The following GRIA4 variants were observed in gnomAD, a reference collection of about 807,000 sequenced individuals.
GRIA4 encodes glutamate receptor 4.
A neutral mutation model predicts 104.0 loss-of-function variants in GRIA4; 34 were observed. The observed-to-expected ratio is 0.33, with a 90% CI of 0.25 to 0.44. The LOEUF is 0.44. Among genes scored for constraint, GRIA4 ranks in the 20% least tolerant of loss-of-function variants. GRIA4 has a pLI of 1.00. For missense variants in GRIA4, 750 were observed against 1,096.5 expected, an observed-to-expected ratio of 0.68 and a Z score of 4.46; for synonymous variants, 386 against 381.9, an observed-to-expected ratio of 1.01 and a Z score of -0.13.
At chr11:105,965,088 T>G (rs603612) in intron 14 of GRIA4, among the ~76,000 whole-genome samples, 2 of 152,166 alleles carry the variant, frequency 1.3e-5, no homozygotes, top group South Asian at 4.1e-4. Context: ...ATTACAGGCG[T>G]GAGCCACCGC....
In GRIA4 at chr11:105,902,102, T is replaced by TA. The variant is rs552643619; in HGVS notation, c.886-1711dup. Among the ~76,000 whole-genome samples, 646 of 152,304 alleles carry TA rather than the reference T, an allele frequency of 4.2e-3. 11 individuals carry two copies. Among genetic ancestry groups the TA allele is most frequent in the Non-Finnish European group, 2.6e-3 (176 of 68,026 alleles). On this transcript the variant is annotated intron_variant, in intron 7 of 16. Coordinates refer to ENST00000282499, the MANE Select transcript of GRIA4 (RefSeq NM_000829.4). Reference sequence around the variant, plus strand: ...CCCAATCAATTGTGAAGGGCACATTTATCCAGAAGCTTGTTTTATCATGTC... The same window carrying TA: ...CCCAATCAATTGTGAAGGGCACATTTAATCCAGAAGCTTGTTTTATCATGTC...
At chr11:105,684,670 C>T (rs1195134261) in intron 3 of GRIA4, among the ~76,000 whole-genome samples, 1 of 146,480 alleles carries the variant, frequency 6.8e-6, no homozygotes, top group African/African-American at 2.5e-5. Context: ...ATCAGTCTTC[C>T]TCAATCTTAT....
At chr11:105,657,049 G>C (rs531200249) in intron 3 of GRIA4, among the ~76,000 whole-genome samples, 1 of 137,404 alleles carries the variant, frequency 7.3e-6, no homozygotes, top group South Asian at 2.3e-4. Context: ...GAAAAAAAAA[G>C]GGTTAAACCA....
chr11:105,966,162 G>A lies in GRIA4; in HGVS notation c.2295-5752G>A. 3 of 777,900 alleles carry A rather than the reference G, an allele frequency of 3.9e-6. No homozygotes were observed. The South Asian group carries it at 4.7e-5, about 12-fold the overall frequency. The allele number at this position is 777,900 out of a possible 1,614,324, so 48.2% of individuals were successfully genotyped here. A position where few individuals can be genotyped will look rare whatever the true frequency, so the allele number is the denominator to read the frequency against. ...TGGACCTCCTAATACCAGTCGAATTGCTAGTCCAGTCCCTTCGCAAACTTA... is the reference window on the plus strand; with the variant it reads ...TGGACCTCCTAATACCAGTCGAATTACTAGTCCAGTCCCTTCGCAAACTTA... On this transcript the variant is annotated intron_variant, in intron 14 of 16. Coordinates refer to ENST00000282499, the MANE Select transcript of GRIA4 (RefSeq NM_000829.4).
At chr11:105,749,191 C>A (rs755690741) in intron 3 of GRIA4, among the ~76,000 whole-genome samples, 3 of 152,118 alleles carry the variant, frequency 2.0e-5, no homozygotes, top group Non-Finnish European at 4.4e-5. Flanking sequence ...TAAGATAAAA[C>A]CTAAACTCTA....
chr11:105,867,184 C>T (rs902522912), intron 5 of GRIA4, among the ~76,000 whole-genome samples: 1 of 152,088 alleles, frequency 6.6e-6, no homozygotes, highest in Admixed American at 6.6e-5. Context: ...CCACGGCTGA[C>T]CTCTCAGAGG....
At chr11:105,711,098 T>C (rs1953892248) in intron 3 of GRIA4, among the ~76,000 whole-genome samples, 1 of 152,178 alleles carries the variant, frequency 6.6e-6, no homozygotes, top group South Asian at 2.1e-4. Flanking sequence ...ATTTACAGAT[T>C]AGGTGAATAA....
At chr11:105,612,595 G>T in intron 3 of GRIA4, 161 bp downstream of exon 3, 63 of 488,346 alleles carry the variant, frequency 1.3e-4, no homozygotes, top group South Asian at 5.7e-4. Context: ...TTCGTTTCAG[G>T]GATATTTAGT....
intron 3 of GRIA4, among the ~76,000 whole-genome samples, chr11:105,703,524 A>T (rs1953581727): frequency 6.6e-6 from 1 of 152,184 alleles, no homozygotes; most frequent in African/African-American, 2.4e-5. Context: ...ACAAAATACA[A>T]TTTTTTAAAT....
intron 4 of GRIA4, among the ~76,000 whole-genome samples, chr11:105,777,377 A>C (rs1032208980): frequency 2.4e-4 from 36 of 152,306 alleles, no homozygotes; most frequent in African/African-American, 8.2e-4. Context: ...ATGATTTGTG[A>C]AATTACCCAA....
At chr11:105,948,849 C>T (rs1325761670) in intron 14 of GRIA4, among the ~76,000 whole-genome samples, 2 of 151,854 alleles carry the variant, frequency 1.3e-5, no homozygotes, top group East Asian at 1.9e-4. Flanking sequence ...CCTCGGCCTC[C>T]GTAAGTGCTG....
chr11:105,811,190 G>A (rs1203526416), intron 4 of GRIA4, among the ~76,000 whole-genome samples: 10 of 152,146 alleles, frequency 6.6e-5, no homozygotes, highest in Admixed American at 6.5e-4. Context: ...TAAGAGGGCT[G>A]CAGGGAACAC....
chr11:105,680,416 G>A (rs1337719525), intron 3 of GRIA4, among the ~76,000 whole-genome samples: 4 of 152,092 alleles, frequency 2.6e-5, no homozygotes, highest in East Asian at 3.9e-4. Flanking sequence ...CAAGGTTAAT[G>A]CCTCATAGCT....
chr11:105,727,160 G>A (rs748302804), intron 3 of GRIA4, among the ~76,000 whole-genome samples: 2 of 151,958 alleles, frequency 1.3e-5, no homozygotes, highest in Non-Finnish European at 2.9e-5. Flanking sequence ...AGGAATTGCT[G>A]ACTAGAATAA....
intron 5 of GRIA4, among the ~76,000 whole-genome samples, chr11:105,883,686 T>G (rs1240950394): frequency 6.6e-6 from 1 of 152,146 alleles, no homozygotes; most frequent in African/African-American, 2.4e-5. Flanking sequence ...TTGATGGACA[T>G]TTGGGTTGGT....
Position 105,610,394 on chromosome 11 carries a change from T to A in GRIA4, c.-125T>A, listed in dbSNP as rs1404019807. ...CAGAAGGGAAAACCTGACACCAGAC[T>A]GGCTCCGGAGCGTCCGGGAGACTGG... On this transcript the variant is annotated 5_prime_UTR_variant, in exon 1 of 17. Transcript: ENST00000282499. The A allele has an allele frequency of 6.6e-6, 1 of 152,504 alleles. No homozygotes were observed. The highest frequency in any genetic ancestry group is 1.5e-5 in the Non-Finnish European group (1 of 68,266). The allele number at this position is 152,504 out of a possible 1,614,324, so 9.4% of individuals were successfully genotyped here. A position where few individuals can be genotyped will look rare whatever the true frequency, so the allele number is the denominator to read the frequency against.
rs1196721642 is a variant in GRIA4 at position 105,972,083 on chromosome 11, G to A, written c.2409+55G>A. 1.0e-5 allele frequency: 11 copies of A among 1,048,114 alleles called. No homozygotes were observed. In the East Asian group the frequency reaches 2.2e-4, roughly 21 times the overall value. The allele number at this position is 1,048,114 out of a possible 1,614,324, so 64.9% of individuals were successfully genotyped here. On this transcript the variant is annotated intron_variant, in intron 15 of 16. Coordinates refer to ENST00000282499, the MANE Select transcript of GRIA4 (RefSeq NM_000829.4). The stretch of plus-strand genomic sequence containing the variant: ...TGTGTTCACAAAGCAGTAAACGGGA[G>A]CAATTGTCAAAAGTATATGGAAACC...
intron 4 of GRIA4, among the ~76,000 whole-genome samples, chr11:105,826,751 A>C (rs1943784782): frequency 6.6e-6 from 1 of 152,044 alleles, no homozygotes; most frequent in African/African-American, 2.4e-5. Context: ...CTCTGCCTAC[A>C]CAGAGTGAAT....
chr11:105,789,460 C>T (rs542949920), intron 4 of GRIA4, among the ~76,000 whole-genome samples: 1 of 152,220 alleles, frequency 6.6e-6, no homozygotes, highest in East Asian at 1.9e-4. Context: ...TTTATGTATG[C>T]CAAGCAAAAT....
Sources: allele counts gnomAD v4.1 joint callset (sites outside exome capture counted in the v4.1 genomes callset), GRCh38; gene constraint gnomAD v4.1.1; transcripts MANE v1.5; gene names NCBI Gene and HGNC (gene_info 2026-07-23, HGNC 2026-07-21).